Variants in IARS1 observed in about 807,000 individuals in gnomAD.
IARS1 encodes isoleucyl-tRNA synthetase 1, also known as isoleucine--tRNA ligase, cytoplasmic.
IARS1 carries 124 observed loss-of-function variants against 168.2 expected under a neutral mutation model. The ratio of observed to expected loss-of-function variants is 0.74; its 90% CI spans 0.64 to 0.86. The LOEUF (loss-of-function observed/expected upper bound fraction) is 0.86. Among genes scored for constraint, IARS1 ranks in the 40% least tolerant of loss-of-function variants. The pLI is 0.00. For synonymous variants in IARS1, 532 were observed against 529.4 expected, an observed-to-expected ratio of 1.00 and a Z score of -0.07; for missense variants, 1,452 against 1,515.8, an observed-to-expected ratio of 0.96 and a Z score of 0.70.
intron 32 of IARS1, among the ~76,000 whole-genome samples, 171 bp downstream of exon 32, chr9:92,223,175 T>C (rs1326254664): frequency 6.6e-6 from 1 of 152,142 alleles, no homozygotes; most frequent in Non-Finnish European, 1.5e-5. Context: ...TGGATGAGGG[T>C]CTCTATAACA....
At chr9:92,247,664 A>C (rs895421679) in intron 25 of IARS1, 113 bp from the exon 26 acceptor site, 106 of 852,588 alleles carry the variant, frequency 1.2e-4, no homozygotes, top group Non-Finnish European at 1.8e-4. Context: ...AGAACACTTC[A>C]AGTGTCCATC....
intron 17 of IARS1, among the ~76,000 whole-genome samples, chr9:92,261,048 C>T (rs1388102673): frequency 1.3e-5 from 2 of 152,154 alleles, no homozygotes; most frequent in African/African-American, 4.8e-5. Flanking sequence ...GTGGCTCATG[C>T]CTGTAATACT....
intron 2 of IARS1, among the ~76,000 whole-genome samples, chr9:92,288,603 C>A (rs898457066): frequency 3.3e-5 from 5 of 151,984 alleles, no homozygotes; most frequent in African/African-American, 4.8e-5. Flanking sequence ...AGTTTTTGAC[C>A]AGAGGAGACA....
intron 1 of IARS1, among the ~76,000 whole-genome samples, chr9:92,289,800 G>C (rs1349198293): frequency 6.6e-6 from 1 of 152,134 alleles, no homozygotes; most frequent in African/African-American, 2.4e-5. Flanking sequence ...AAATTTATAG[G>C]AATCATCTAT....
At chr9:92,221,139 A>G (rs1384535945) in intron 33 of IARS1, among the ~76,000 whole-genome samples, 1 of 152,236 alleles carries the variant, frequency 6.6e-6, no homozygotes, top group African/African-American at 2.4e-5. Flanking sequence ...AACAAGGGTA[A>G]GATAAAAAAG....
intron 1 of IARS1, among the ~76,000 whole-genome samples, chr9:92,291,584 A>G (rs1402706996): frequency 6.6e-6 from 1 of 152,254 alleles, no homozygotes; most frequent in Non-Finnish European, 1.5e-5. Flanking sequence ...GGTATTAAAC[A>G]GAAGGTTTAA....
intron 29 of IARS1, among the ~76,000 whole-genome samples, chr9:92,241,903 G>A (rs1203454818): frequency 6.6e-6 from 1 of 151,996 alleles, no homozygotes; most frequent in Non-Finnish European, 1.5e-5. Context: ...TTTATTTCCG[G>A]GCAAAGCTCA....
In IARS1 at chr9:92,250,783, G is replaced by C. The variant is rs763249053; in HGVS notation, c.2359C>G (p.Leu787Val). Residue 787 changes from leucine (L) to valine (V), a missense_variant, in exon 23 of 34, where the codon CTG becomes GTG. Transcript: ENST00000443024. ...TELMYQNLKV[L>V]IDPVSVQDKD... ...TCCTGAACAGAAACAGGGTCAATCA[G>C]CACCTTTAGATTCTGGTACATCAAT... The C allele has an allele frequency of 5.0e-6, 8 of 1,613,470 alleles. No individual in the cohort carries two copies. The highest frequency in any genetic ancestry group is 6.8e-6 in the Non-Finnish European group (8 of 1,179,722).
In IARS1 at chr9:92,285,733, G is replaced by C; in HGVS notation, c.586C>G (p.Gln196Glu). Residue 196 changes from glutamine to glutamate, a missense_variant, in exon 6 of 34, where the codon CAG (glutamine) becomes GAG (glutamate). Coordinates refer to ENST00000443024, the MANE Select transcript of IARS1 (RefSeq NM_002161.6). ...TACATTTCACGTACCTTATAATTCTGGTGTGACTCGAAGTTGGAAAGTGGA... is the reference window on the plus strand; with the variant it reads ...TACATTTCACGTACCTTATAATTCTCGTGTGACTCGAAGTTGGAAAGTGGA... The part of the protein sequence containing the change: ...NTPLSNFESH[Q>E]NYKDVQDPSV... The C allele has an allele frequency of 6.3e-7, 1 of 1,593,910 alleles. No individual in the cohort carries two copies. Among genetic ancestry groups the C allele is most frequent in the Non-Finnish European group, 8.6e-7 (1 of 1,161,648 alleles).
chr9:92,260,499 AC>A (rs1385774308), intron 17 of IARS1, among the ~76,000 whole-genome samples: 1 of 152,064 alleles, frequency 6.6e-6, no homozygotes, highest in African/African-American at 2.4e-5. Flanking sequence ...TACTAAAAAT[AC>A]AAAAATTAGC....
chr9:92,224,925 A>G (rs1264472795), intron 31 of IARS1, among the ~76,000 whole-genome samples: 1 of 152,164 alleles, frequency 6.6e-6, no homozygotes, highest in East Asian at 1.9e-4. Context: ...TGGATTGATG[A>G]ACAAAGGGGC....
chr9:92,229,651 C>G (rs974513427), intron 30 of IARS1, among the ~76,000 whole-genome samples: 1 of 152,090 alleles, frequency 6.6e-6, no homozygotes, highest in Non-Finnish European at 1.5e-5. Flanking sequence ...TATATTTGAA[C>G]ATTTTGAGTT....
chr9:92,244,915 T>C, intron 27 of IARS1, 44 bp downstream of exon 27: 2 of 1,465,122 alleles, frequency 1.4e-6, no homozygotes, highest in Non-Finnish European at 1.9e-6. Context: ...CCTCTTATGC[T>C]CTCATCTCTT....
In IARS1 at chr9:92,251,883, AC is replaced by A. The variant is rs753322492; in HGVS notation, c.2231del (p.Gly744ValfsTer12). On this transcript the variant is annotated frameshift_variant and splice_region_variant, in exon 22 of 34. Coordinates refer to ENST00000443024, the MANE Select transcript of IARS1 (RefSeq NM_002161.6). LOFTEE classifies it high-confidence loss of function. ...YVRMNRRRLK[G>X]ENGMEDCVMA... ...TGACACAATCCTCCATCCCATTTTC[AC>A]CCTAATGAGTAAAAAGGAAACATAA... 1.9e-6 allele frequency: 3 copies of A among 1,607,230 alleles called. No homozygotes were observed. The highest frequency in any genetic ancestry group is 1.1e-5 in the South Asian group (1 of 90,922).
chr9:92,269,331 A>T (rs1231997765), intron 13 of IARS1, among the ~76,000 whole-genome samples: 1 of 152,212 alleles, frequency 6.6e-6, no homozygotes, highest in African/African-American at 2.4e-5. Context: ...CATCTGAAAT[A>T]CACAGGTTCA....
At chr9:92,228,497 A>C (rs1587723832) in intron 31 of IARS1, among the ~76,000 whole-genome samples, 2 of 152,290 alleles carry the variant, frequency 1.3e-5, no homozygotes, top group Admixed American at 1.3e-4. Flanking sequence ...GGACTGCTTA[A>C]GGCCCTGGGT....
In IARS1 at chr9:92,286,554, T is replaced by C. The variant is rs1418134981; in HGVS notation, c.461A>G (p.Gln154Arg). The C allele has an allele frequency of 6.3e-7, 1 of 1,586,002 alleles. No individual in the cohort carries two copies. Among genetic ancestry groups the C allele is most frequent in the African/African-American group, 1.3e-5 (1 of 74,494 alleles). Residue 154 changes from glutamine (Q) to arginine (R), a missense_variant, in exon 5 of 34, where the codon CAA becomes CGA. Coordinates refer to ENST00000443024, the MANE Select transcript of IARS1 (RefSeq NM_002161.6). ...AACCTACCAGACTGATTCCATGAAT[T>C]GTGGATACAGAGTTTTATAGTCATT... is the stretch of plus-strand genomic sequence containing the variant. ...FDNDYKTLYP[Q>R]FMESVWWVFK...
chr9:92,249,282 T>C (rs1351704987), intron 25 of IARS1, among the ~76,000 whole-genome samples: 1 of 152,208 alleles, frequency 6.6e-6, no homozygotes, highest in Non-Finnish European at 1.5e-5. Flanking sequence ...CCAGGCACAG[T>C]GGCTCATGCC....
At chr9:92,214,772 C>T (rs1838357747) in intron 33 of IARS1, among the ~76,000 whole-genome samples, 1 of 151,910 alleles carries the variant, frequency 6.6e-6, no homozygotes, top group Admixed American at 6.6e-5. Context: ...GAGGGTCCTA[C>T]GCCCACGGAG....
Sources: allele counts gnomAD v4.1 joint callset (sites outside exome capture counted in the v4.1 genomes callset), GRCh38; gene constraint gnomAD v4.1.1; transcripts MANE v1.5; gene names NCBI Gene and HGNC (gene_info 2026-07-23, HGNC 2026-07-21).